CPVL: variants seen among roughly 807,000 people sequenced by gnomAD.
CPVL encodes the protein probable serine carboxypeptidase CPVL.
In CPVL, 51 loss-of-function variants were observed where a neutral mutation model predicts 63.7. That is an observed-to-expected ratio of 0.80 (90% CI 0.64 to 1.01). CPVL has a LOEUF of 1.01. Ranked by LOEUF, CPVL falls within the 50% of genes least tolerant of loss-of-function variation. The probability of loss-of-function intolerance (pLI) is 0.00; values close to 1 mark genes in which losing one functional copy is unlikely to be tolerated. For missense variants in CPVL, 530 were observed against 573.1 expected (o/e 0.92, Z 0.77); for synonymous variants, 195 against 206.0 (o/e 0.95, Z 0.46).
chr7:29,050,739 C>A (rs1232446181), intron 11 of CPVL, among the ~76,000 whole-genome samples: 1 of 151,702 alleles, frequency 6.6e-6, no homozygotes, highest in African/African-American at 2.4e-5. Context: ...ATTCGAAAAG[C>A]CAATTCTAAA....
At chr7:29,138,283 T>C (rs1243075475) in intron 1 of CPVL, among the ~76,000 whole-genome samples, 3 of 151,908 alleles carry the variant, frequency 2.0e-5, no homozygotes, top group African/African-American at 7.3e-5. Context: ...TACAAAAAAA[T>C]ACAAAAATTA....
intron 1 of CPVL, among the ~76,000 whole-genome samples, chr7:29,142,824 C>T (rs1056964608): frequency 2.0e-5 from 3 of 152,116 alleles, no homozygotes; most frequent in East Asian, 1.9e-4. Flanking sequence ...CCATGCCCAG[C>T]GACTTCCAGA....
intron 5 of CPVL, among the ~76,000 whole-genome samples, chr7:29,154,318 G>A (rs545964523): frequency 2.6e-5 from 4 of 152,294 alleles, no homozygotes; most frequent in East Asian, 3.9e-4. Flanking sequence ...CTCTCCATTC[G>A]TATGCAGTGA....
chr7:29,052,810 G>C (rs1790325096), intron 11 of CPVL, among the ~76,000 whole-genome samples: 1 of 152,172 alleles, frequency 6.6e-6, no homozygotes, highest in African/African-American at 2.4e-5. Context: ...TCAGGAGGCT[G>C]AGGCAGGAGA....
intron 3 of CPVL, among the ~76,000 whole-genome samples, chr7:29,101,535 C>T (rs1276718190): frequency 6.6e-6 from 1 of 152,188 alleles, no homozygotes; most frequent in African/African-American, 2.4e-5. Flanking sequence ...GCGGAGCTTG[C>T]AGTGAGCCAA....
chr7:29,128,327 C>T (rs2128653287), intron 1 of CPVL, among the ~76,000 whole-genome samples: 1 of 152,148 alleles, frequency 6.6e-6, no homozygotes, highest in Non-Finnish European at 1.5e-5. Flanking sequence ...TGGGGATACC[C>T]ATTAGTTATT....
At chr7:29,094,973 A>G in intron 5 of CPVL, 111 bp downstream of exon 5, 1 of 789,682 alleles carries the variant, frequency 1.3e-6, no homozygotes, top group Non-Finnish European at 2.1e-6. Context: ...ATTAAATTCT[A>G]TTTTCAAAAG....
intron 1 of CPVL, among the ~76,000 whole-genome samples, chr7:29,124,558 A>C (rs925785453): frequency 6.6e-6 from 1 of 152,134 alleles, no homozygotes; most frequent in Non-Finnish European, 1.5e-5. Context: ...TATGGAACAA[A>C]GCTATTTATC....
intron 5 of CPVL, among the ~76,000 whole-genome samples, chr7:29,174,129 G>C (rs1287396074): frequency 2.0e-5 from 3 of 152,038 alleles, no homozygotes; most frequent in African/African-American, 7.2e-5. Context: ...AAAGGCTGGA[G>C]AGACCCCCCC....
At chr7:29,126,883 T>C (rs2128650454) in intron 1 of CPVL, 1 of 152,332 alleles carries the variant, frequency 6.6e-6, no homozygotes, top group African/African-American at 2.4e-5. Context: ...GTTGACACCC[T>C]GGACAACACT....
intron 1 of CPVL, among the ~76,000 whole-genome samples, chr7:29,123,613 A>T (rs1323816736): frequency 1.0e-5 from 1 of 95,428 alleles, no homozygotes; most frequent in Non-Finnish European, 2.1e-5. Flanking sequence ...AAAAAAAAAA[A>T]AAAAAAAAAA....
intron 7 of CPVL, chr7:29,081,222 G>C (rs1230862941): frequency 3.9e-5 from 6 of 152,192 alleles, no homozygotes; most frequent in East Asian, 1.9e-4. Flanking sequence ...GCTCAGAAAG[G>C]ATAACACTTA....
chr7:29,178,577 A>G (rs1797666071), intron 5 of CPVL, among the ~76,000 whole-genome samples: 1 of 152,124 alleles, frequency 6.6e-6, no homozygotes, highest in South Asian at 2.1e-4. Context: ...TCATCTGAAC[A>G]CATTTTTCAG....
At chr7:29,065,611 G>C (rs2128566593) in intron 10 of CPVL, among the ~76,000 whole-genome samples, 1 of 152,278 alleles carries the variant, frequency 6.6e-6, no homozygotes, top group East Asian at 1.9e-4. Context: ...TTTTCATTAA[G>C]GCTTTGGCAG....
chr7:29,105,302 G>A (rs1365018917), intron 3 of CPVL, among the ~76,000 whole-genome samples: 1 of 152,168 alleles, frequency 6.6e-6, no homozygotes, highest in Non-Finnish European at 1.5e-5. Context: ...CCAGACTGTG[G>A]CAGCCATGGG....
intron 1 of CPVL, chr7:29,195,005 G>C (rs1055000829): frequency 3.2e-6 from 5 of 1,582,844 alleles, no homozygotes; most frequent in Non-Finnish European, 4.3e-6. Flanking sequence ...GTTTCAGCCC[G>C]TCGGGCGCTG....
At chr7:29,129,223 T>G (rs533019619) in intron 1 of CPVL, among the ~76,000 whole-genome samples, 2 of 152,148 alleles carry the variant, frequency 1.3e-5, no homozygotes, top group African/African-American at 2.4e-5. Flanking sequence ...TAATGAGAAA[T>G]GGTCAGCTAC....
intron 6 of CPVL, among the ~76,000 whole-genome samples, chr7:29,090,675 T>G (rs904754739): frequency 1.3e-5 from 2 of 152,130 alleles, no homozygotes; most frequent in African/African-American, 4.8e-5. Context: ...GTACTCCAAA[T>G]CAAAGTTAAT....
chr7:29,054,161 C>A (rs1234440636), intron 11 of CPVL, among the ~76,000 whole-genome samples: 1 of 152,128 alleles, frequency 6.6e-6, no homozygotes, highest in African/African-American at 2.4e-5. Context: ...TTTACACAAC[C>A]ATTGTACAAT....
Sources: gnomAD v4.1 joint callset for allele counts (sites outside exome capture counted in the v4.1 genomes callset) on GRCh38, gnomAD v4.1.1 for gene constraint, MANE v1.5 for transcripts, NCBI Gene and HGNC (gene_info 2026-07-23, HGNC 2026-07-21) for gene names.